Variants in PTPRD observed in about 807,000 individuals in gnomAD.
PTPRD encodes the protein receptor-type tyrosine-protein phosphatase delta.
A neutral mutation model predicts 214.5 loss-of-function variants in PTPRD; 34 were observed. The observed-to-expected ratio is 0.16, with a 90% CI of 0.12 to 0.21. The LOEUF (loss-of-function observed/expected upper bound fraction) is 0.21, where lower values mean the gene tolerates loss of function less well. Among genes scored for constraint, PTPRD ranks in the 10% least tolerant of loss-of-function variants. PTPRD has a pLI of 1.00. For missense variants in PTPRD, 2,545 were observed against 2,398.7 expected, an observed-to-expected ratio of 1.06 and a Z score of -1.27; for synonymous variants, 1,128 against 845.7, an observed-to-expected ratio of 1.33 and a Z score of -5.79.
intron 2 of PTPRD, among the ~76,000 whole-genome samples, chr9:10,438,065 C>G (rs2098734024): frequency 7.0e-6 from 1 of 141,856 alleles, no homozygotes; most frequent in African/African-American, 2.9e-5. Flanking sequence ...AAAAGACAAA[C>G]TCATGGTTCA....
intron 14 of PTPRD, among the ~76,000 whole-genome samples, chr9:8,579,026 CTG>C (rs1332337638): frequency 6.6e-6 from 1 of 152,130 alleles, no homozygotes; most frequent in Non-Finnish European, 1.5e-5. Flanking sequence ...ATTTTTACCT[CTG>C]TATATGCAAC....
chr9:8,925,253 G>A (rs1407778983), intron 11 of PTPRD, among the ~76,000 whole-genome samples: 1 of 152,050 alleles, frequency 6.6e-6, no homozygotes, highest in African/African-American at 2.4e-5. Context: ...CTTTTATGCA[G>A]CTACTTATTG....
chr9:10,464,143 A>C (rs2098977399), intron 2 of PTPRD, among the ~76,000 whole-genome samples: 1 of 152,174 alleles, frequency 6.6e-6, no homozygotes. Flanking sequence ...CACGCCTGTA[A>C]TCCCAGCACT....
At chr9:9,410,467 C>T (rs2141873105) in intron 8 of PTPRD, among the ~76,000 whole-genome samples, 1 of 152,246 alleles carries the variant, frequency 6.6e-6, no homozygotes. Flanking sequence ...TCTCCCTTTC[C>T]CCACACAGAA....
intron 10 of PTPRD, among the ~76,000 whole-genome samples, chr9:9,024,891 TA>T (rs1167237897): frequency 5.3e-5 from 8 of 151,982 alleles, no homozygotes; most frequent in African/African-American, 9.7e-5. Context: ...AGATTCATCC[TA>T]AAAACCAAGG....
At chr9:9,506,924 G>A (rs116793385) in intron 8 of PTPRD, among the ~76,000 whole-genome samples, 1 of 151,334 alleles carries the variant, frequency 6.6e-6, no homozygotes, top group African/African-American at 2.4e-5. Flanking sequence ...TAAGATTATA[G>A]AAAATTAAGT....
chr9:10,529,582 AG>A (rs2055520472), intron 2 of PTPRD, among the ~76,000 whole-genome samples: 1 of 142,252 alleles, frequency 7.0e-6, no homozygotes, highest in Admixed American at 7.1e-5. Context: ...ATGGGGGGCA[AG>A]GGGAAGGATA....
chr9:10,101,783 C>A (rs771332016), intron 3 of PTPRD, among the ~76,000 whole-genome samples: 146 of 151,634 alleles, frequency 9.6e-4, no homozygotes, highest in Non-Finnish European at 1.9e-3. Context: ...GATATAAAAT[C>A]ATAAATCCTA....
intron 2 of PTPRD, among the ~76,000 whole-genome samples, chr9:10,583,811 G>C (rs1215384882): frequency 1.3e-5 from 2 of 152,134 alleles, no homozygotes; most frequent in Admixed American, 1.3e-4. Flanking sequence ...GGTATTGATA[G>C]CTATGCTCTT....
chr9:8,980,312 T>C (rs1413032139), intron 11 of PTPRD, among the ~76,000 whole-genome samples: 1 of 151,932 alleles, frequency 6.6e-6, no homozygotes, highest in Non-Finnish European at 1.5e-5. Context: ...AGAGATTTAA[T>C]TTACAACATG....
intron 4 of PTPRD, among the ~76,000 whole-genome samples, chr9:10,028,329 T>G (rs1031947009): frequency 6.6e-6 from 1 of 152,074 alleles, no homozygotes; most frequent in African/African-American, 2.4e-5. Flanking sequence ...AGTGTGAAAA[T>G]GGACTAATAG....
At chr9:10,081,213 A>T (rs1473519875) in intron 3 of PTPRD, among the ~76,000 whole-genome samples, 1 of 152,140 alleles carries the variant, frequency 6.6e-6, no homozygotes, top group Admixed American at 6.6e-5. Context: ...GAAGTTAATA[A>T]CTTTCAAAAT....
intron 11 of PTPRD, among the ~76,000 whole-genome samples, chr9:8,828,620 T>A (rs923617438): frequency 4.6e-5 from 7 of 152,220 alleles, no homozygotes; most frequent in African/African-American, 1.7e-4. Context: ...CCCCAAATTA[T>A]GAGTTGCTGC....
chr9:8,619,215 G>A (rs1286689301), intron 14 of PTPRD, among the ~76,000 whole-genome samples: 3 of 151,886 alleles, frequency 2.0e-5, no homozygotes, highest in African/African-American at 7.3e-5. Flanking sequence ...AGAATACTTT[G>A]TACCCATTCT....
At chr9:9,820,541 G>A (rs574317568) in intron 5 of PTPRD, among the ~76,000 whole-genome samples, 1 of 152,120 alleles carries the variant, frequency 6.6e-6, no homozygotes, top group Non-Finnish European at 1.5e-5. Context: ...TGAGGGCTTA[G>A]TCATAAATTC....
At chr9:8,664,534 A>G (rs979115130) in intron 12 of PTPRD, among the ~76,000 whole-genome samples, 2 of 152,200 alleles carry the variant, frequency 1.3e-5, no homozygotes, top group East Asian at 1.9e-4. Context: ...ACTCCCTCCA[A>G]TGTGATAGAT....
intron 5 of PTPRD, among the ~76,000 whole-genome samples, chr9:9,932,257 C>T (rs2086965175): frequency 6.6e-6 from 1 of 150,464 alleles, no homozygotes; most frequent in Admixed American, 6.6e-5. Flanking sequence ...GAGAAGAAGG[C>T]TTCAGACGAT....
At chr9:10,577,509 G>A (rs2069845449) in intron 2 of PTPRD, among the ~76,000 whole-genome samples, 1 of 152,098 alleles carries the variant, frequency 6.6e-6, no homozygotes, top group African/African-American at 2.4e-5. Context: ...TTCTCCTGTT[G>A]AGCCTCCAAA....
chr9:9,613,936 T>G (rs1182536100), intron 7 of PTPRD, among the ~76,000 whole-genome samples: 1 of 152,142 alleles, frequency 6.6e-6, no homozygotes, highest in Non-Finnish European at 1.5e-5. Flanking sequence ...ACTCTTCAAA[T>G]CCCAGCTGTT....
Sources: allele counts gnomAD v4.1 joint callset (sites outside exome capture counted in the v4.1 genomes callset), GRCh38; gene constraint gnomAD v4.1.1; transcripts MANE v1.5; gene names NCBI Gene and HGNC (gene_info 2026-07-23, HGNC 2026-07-21).